The following PSG11 variants were observed in gnomAD, a reference collection of about 807,000 sequenced individuals.
PSG11 encodes the protein pregnancy-specific beta-1-glycoprotein 11.
A neutral mutation model predicts 36.0 loss-of-function variants in PSG11; 42 were observed. The observed-to-expected ratio is 1.17, with a 90% CI of 0.91 to 1.51. The LOEUF is 1.51. Ranked by LOEUF, PSG11 falls within the 40% of genes most tolerant of loss-of-function variation. The pLI is 0.00. For missense variants in PSG11, 558 were observed against 403.5 expected (o/e 1.38, Z -3.28); for synonymous variants, 206 against 153.5 (o/e 1.34, Z -2.53).
rs1967253617 is a variant in PSG11, at chr19:43,026,283, CCTCTCCCAGGAAGTT to C, written c.64+11_64+25del. The C allele has an allele frequency of 4.4e-6, 7 of 1,609,170 alleles. No homozygotes were observed. In the Admixed American group the frequency reaches 6.7e-5, roughly 15 times the overall value. ...CAGTCACTCTGCTTCCTCCTCCTGT[CCTCTCCCAGGAAGTT>C]CTCTCCTCACCTGTGAGCAGGAGCC... On this transcript the variant is annotated intron_variant, in intron 1 of 5. Coordinates refer to ENST00000320078, the MANE Select transcript of PSG11 (RefSeq NM_002785.3).
rs370013532 is a variant in PSG11, at chr19:43,024,471, C to T, written c.430+220G>A. On this transcript the variant is annotated intron_variant, in intron 2 of 5. Coordinates refer to ENST00000320078, the MANE Select transcript of PSG11 (RefSeq NM_002785.3). ...TGAGTCCCCCCATCAGACTGTCCTT[C>T]CTCTGCAGCGAGTGTCTGCAGGGTC... is the stretch of plus-strand genomic sequence containing the variant. The T allele has an allele frequency of 3.2e-5, 21 of 653,938 alleles. No individual in the cohort carries two copies. In the South Asian group the frequency reaches 4.0e-4, roughly 12 times the overall value. The allele number at this position is 653,938 out of a possible 1,614,324, so 40.5% of individuals were successfully genotyped here. A position where few individuals can be genotyped will look rare whatever the true frequency, so the allele number is the denominator to read the frequency against.
At chr19:43,010,499 A>C (rs933605173) in intron 4 of PSG11, 2 of 903,772 alleles carry the variant, frequency 2.2e-6, no homozygotes, top group Non-Finnish European at 3.3e-6. Context: ...CTTCTTTCCT[A>C]CAGGCTCCCA....
chr19:43,022,436 G>A (rs1967123698), intron 2 of PSG11, among the ~76,000 whole-genome samples: 1 of 151,236 alleles, frequency 6.6e-6, no homozygotes, highest in African/African-American at 2.4e-5. Context: ...ACAATCAGCA[G>A]TACTCATTTT....
chr19:43,025,544 T>A (rs1967224072), intron 1 of PSG11, among the ~76,000 whole-genome samples: 1 of 151,184 alleles, frequency 6.6e-6, no homozygotes, highest in East Asian at 1.9e-4. Flanking sequence ...CATGGCAGCA[T>A]GAGCTCCGTG....
At position 43,018,919 on chromosome 19, in the gene PSG11, A is replaced by G; in HGVS notation, c.560T>C (p.Leu187Pro). ...CAGCTGCATCCTATGAGTCATAGGGAGGCTCTGACCATTCATCCACCACAG... is the reference window on the plus strand; with the variant it reads ...CAGCTGCATCCTATGAGTCATAGGGGGGCTCTGACCATTCATCCACCACAG... ...SYLWWMNGQS[L>P]PMTHRMQLSE... The change falls in exon 3 of 6, where the codon CTC becomes CCC. Residue 187 changes from leucine to proline, a missense_variant. Transcript: ENST00000320078. 1 of 1,612,042 alleles carries G rather than the reference A, an allele frequency of 6.2e-7. No homozygotes were observed.
At chr19:43,019,322 C>T in intron 2 of PSG11, 1 of 616,712 alleles carries the variant, frequency 1.6e-6, no homozygotes, top group Non-Finnish European at 2.5e-6. Context: ...GCAGTCATAG[C>T]CCCTGGTGCC....
intron 2 of PSG11, among the ~76,000 whole-genome samples, chr19:43,023,314 A>C (rs1967149688): frequency 6.7e-6 from 1 of 150,316 alleles, no homozygotes; most frequent in African/African-American, 2.5e-5. Context: ...CCATTCCTTC[A>C]TTTGTTATGT....
chr19:43,014,775 T>C, intron 4 of PSG11: 5 of 1,221,836 alleles, frequency 4.1e-6, no homozygotes, highest in Non-Finnish European at 5.4e-6. Context: ...AACAAAGACG[T>C]GACAGAAGGG....
In PSG11 at chr19:43,014,776, G is replaced by A. The variant is rs923976355; in HGVS notation, c.964+340C>T. The A allele has an allele frequency of 8.6e-5, 105 of 1,216,704 alleles. 6 individuals are homozygous for A. In the African/African-American group the frequency reaches 1.3e-3, roughly 15 times the overall value. The allele number at this position is 1,216,704 out of a possible 1,614,324, so 75.4% of individuals were successfully genotyped here. On this transcript the variant is annotated intron_variant, in intron 4 of 5. Transcript: ENST00000320078. ...AAGAGGTACAAGAAAACAAAGACGT[G>A]ACAGAAGGGGATGAGTTGGTGACAG... is the stretch of plus-strand genomic sequence containing the variant.
In PSG11 at chr19:43,024,743, C is replaced by T. The variant is rs373994760; in HGVS notation, c.378G>A (p.Lys126=). The change falls in exon 2 of 6, where the codon AAG becomes AAA. Residue 126 remains lysine (K), a synonymous_variant. Transcript: ENST00000320078. The part of the protein sequence containing the change: ...DAGSYTLHII[K]RGDGTRGVTG... ...TTACTCCTCTAGTCCCATCACCTCG[C>T]TTTATGATGTGTAAGGTGTAGGATC... The T allele has an allele frequency of 1.9e-6, 3 of 1,611,588 alleles. No homozygotes were observed. The highest frequency in any genetic ancestry group is 1.7e-5 in the Admixed American group (1 of 59,806).
At chr19:43,015,519 A>G in intron 3 of PSG11, 149 bp from the exon 4 acceptor site, 2 of 1,328,594 alleles carry the variant, frequency 1.5e-6, no homozygotes, top group Non-Finnish European at 2.1e-6. Flanking sequence ...CTGAAGCCTG[A>G]AGTATTCACC....
At chr19:43,010,115 T>A (rs1380805834) in intron 4 of PSG11, 74 bp from the exon 5 acceptor site, 10 of 1,552,132 alleles carry the variant, frequency 6.4e-6, no homozygotes, top group Admixed American at 1.8e-5. Flanking sequence ...GGAACAAGCA[T>A]GTAACATGAG....
chr19:43,025,208 A>T, intron 1 of PSG11, 152 bp from the exon 2 acceptor site: 2 of 1,327,890 alleles, frequency 1.5e-6, no homozygotes, highest in South Asian at 2.9e-5. Context: ...CACACAGAAA[A>T]GGGGCATGTG....
intron 3 of PSG11, chr19:43,015,946 G>T: frequency 6.2e-7 from 1 of 1,610,112 alleles, no homozygotes; most frequent in South Asian, 1.1e-5. Context: ...CCAAATGTAG[G>T]CATAGTTCTC....
rs557155533 is a variant in PSG11 at position 43,015,811 on chromosome 19, C to T, written c.710-441G>A. 3.3e-5 allele frequency: 52 copies of T among 1,597,630 alleles called. 3 individuals carry two copies. Among genetic ancestry groups the T allele is most frequent in the African/African-American group, 1.2e-4 (9 of 73,842 alleles). On this transcript the variant is annotated intron_variant, in intron 3 of 5. Coordinates refer to ENST00000320078, the MANE Select transcript of PSG11 (RefSeq NM_002785.3). ...TGAGTCACTGCGGATGCCACCATATCGGTCCCGTATTTCACATTGATAGGG... is the reference window on the plus strand; with the variant it reads ...TGAGTCACTGCGGATGCCACCATATTGGTCCCGTATTTCACATTGATAGGG...
Position 43,026,447 on chromosome 19 carries a change from G to A in PSG11, c.-75C>T. On this transcript the variant is annotated 5_prime_UTR_variant, in exon 1 of 6. Coordinates refer to ENST00000320078, the MANE Select transcript of PSG11 (RefSeq NM_002785.3). ...AGAAGCTTCCAGAGCACGGCTGTCA[G>A]CTGTGCTGTCCTTCCTCCTTCTGCG... 6.4e-7 allele frequency: 1 copy of A among 1,571,894 alleles called. No homozygotes were observed. Among genetic ancestry groups the A allele is most frequent in the South Asian group, 1.1e-5 (1 of 88,720 alleles).
chr19:43,014,400 G>C (rs1966903163), intron 4 of PSG11: 3 of 943,756 alleles, frequency 3.2e-6, no homozygotes, highest in South Asian at 4.9e-5. Context: ...TGTCCCACGT[G>C]CTGTGCCCAC....
Position 43,026,469 on chromosome 19 carries a change from T to C in PSG11, c.-97A>G. 6.9e-7 allele frequency: 1 copy of C among 1,451,324 alleles called. No homozygotes were observed. The highest frequency in any genetic ancestry group is 9.2e-7 in the Non-Finnish European group (1 of 1,089,688). The allele number at this position is 1,451,324 out of a possible 1,614,324, so 89.9% of individuals were successfully genotyped here. A position where few individuals can be genotyped will look rare whatever the true frequency, so the allele number is the denominator to read the frequency against. ...TCAGCTGTGCTGTCCTTCCTCCTTC[T>C]GCGCTGAGACTCTTCCCGGTGGAAG... is the stretch of plus-strand genomic sequence containing the variant. On this transcript the variant is annotated 5_prime_UTR_variant, in exon 1 of 6. Coordinates refer to ENST00000320078, the MANE Select transcript of PSG11 (RefSeq NM_002785.3).
At chr19:43,026,160 C>G in intron 1 of PSG11, 149 bp downstream of exon 1, 1 of 1,275,930 alleles carries the variant, frequency 7.8e-7, no homozygotes, top group Non-Finnish European at 1.1e-6. Flanking sequence ...CTGGACTGAT[C>G]TTGAACTCCT....
Sources: allele counts gnomAD v4.1 joint callset (sites outside exome capture counted in the v4.1 genomes callset), GRCh38; gene constraint gnomAD v4.1.1; transcripts MANE v1.5; gene names NCBI Gene and HGNC (gene_info 2026-07-23, HGNC 2026-07-21).